The following COL4A4 variants were observed in gnomAD, a reference collection of about 807,000 sequenced individuals.
COL4A4 encodes the protein collagen alpha-4(IV) chain.
A neutral mutation model predicts 192.9 loss-of-function variants in COL4A4; 105 were observed. The observed-to-expected ratio is 0.54, with a 90% CI of 0.46 to 0.64. The LOEUF is 0.64. Among genes scored for constraint, COL4A4 ranks in the 30% least tolerant of loss-of-function variants. The pLI is 0.00. For missense variants in COL4A4, 1,967 were observed against 2,169.3 expected, an observed-to-expected ratio of 0.91 and a Z score of 1.85; for synonymous variants, 762 against 769.9, an observed-to-expected ratio of 0.99 and a Z score of 0.17.
At chr2:227,016,495 G>A (rs112769366) in intron 44 of COL4A4, among the ~76,000 whole-genome samples, 145 of 152,274 alleles carry the variant, frequency 9.5e-4, no homozygotes, top group African/African-American at 2.7e-3. Flanking sequence ...ATTCATTTAC[G>A]TGTTATCTAC....
At chr2:227,152,693 G>T (rs1161092460) in intron 1 of COL4A4, among the ~76,000 whole-genome samples, 2 of 152,174 alleles carry the variant, frequency 1.3e-5, no homozygotes, top group East Asian at 1.9e-4. Flanking sequence ...ATCTAAGAGG[G>T]TTTTCTTTGT....
In COL4A4 at chr2:227,043,187, AAAG is replaced by A; in HGVS notation, c.3290-6_3290-4del. 3.1e-6 allele frequency: 5 copies of A among 1,612,020 alleles called. No homozygotes were observed. Among genetic ancestry groups the A allele is most frequent in the Non-Finnish European group, 4.2e-6 (5 of 1,178,082 alleles). On this transcript the variant is annotated splice_polypyrimidine_tract_variant and splice_region_variant and intron_variant, in intron 35 of 47. Transcript: ENST00000396625. Reference sequence around the variant, plus strand: ...CTCTCCGGATGCTCCAAAATGCCCTAAAGAAGGAAAGATCAAACATCAGAGTTG... The same window carrying A: ...CTCTCCGGATGCTCCAAAATGCCCTAAAGGAAAGATCAAACATCAGAGTTG...
At chr2:227,153,590 G>T (rs1297901302) in intron 1 of COL4A4, among the ~76,000 whole-genome samples, 1 of 152,104 alleles carries the variant, frequency 6.6e-6, no homozygotes, top group Non-Finnish European at 1.5e-5. Context: ...TCTGGGATGA[G>T]GATAGTACAG....
intron 15 of COL4A4, 66 bp downstream of exon 15, chr2:227,102,723 G>T: frequency 7.0e-7 from 1 of 1,420,398 alleles, no homozygotes; most frequent in Non-Finnish European, 1.0e-6. Flanking sequence ...TACTGACCTG[G>T]TTTTATAAAA....
At chr2:227,119,840 T>G in intron 6 of COL4A4, 55 bp downstream of exon 6, 1 of 1,267,798 alleles carries the variant, frequency 7.9e-7, no homozygotes. Flanking sequence ...TTTAAGGATT[T>G]TGATGAGTAC....
the COL4A4 span, among the ~76,000 whole-genome samples, chr2:226,979,405 T>C: frequency 6.6e-6 from 1 of 152,018 alleles, no homozygotes; most frequent in South Asian, 2.1e-4. Flanking sequence ...ATCTCACCAA[T>C]TGAATCCCAG....
At chr2:227,142,523 G>A (rs2063288589) in intron 3 of COL4A4, among the ~76,000 whole-genome samples, 1 of 152,158 alleles carries the variant, frequency 6.6e-6, no homozygotes, top group Non-Finnish European at 1.5e-5. Context: ...GGAGGGCAAG[G>A]CTGGCAGATC....
At chr2:227,034,666 C>T (rs1224291735) in intron 37 of COL4A4, among the ~76,000 whole-genome samples, 2 of 150,622 alleles carry the variant, frequency 1.3e-5, no homozygotes, top group East Asian at 1.9e-4. Context: ...GCTGCACCCA[C>T]TAACTCGTCA....
intron 25 of COL4A4, among the ~76,000 whole-genome samples, chr2:227,071,190 A>G (rs1473770161): frequency 3.3e-5 from 5 of 152,134 alleles, no homozygotes; most frequent in South Asian, 4.1e-4. Flanking sequence ...TAAACTCAAG[A>G]TAAAGGGGTA....
chr2:226,973,041 C>T, the COL4A4 span, among the ~76,000 whole-genome samples: 1 of 152,072 alleles, frequency 6.6e-6, no homozygotes, highest in Non-Finnish European at 1.5e-5. Context: ...AGATTCAGAG[C>T]CCTACCTGAG....
chr2:227,161,544 C>T (rs2064832697), intron 1 of COL4A4, among the ~76,000 whole-genome samples: 1 of 152,020 alleles, frequency 6.6e-6, no homozygotes, highest in African/African-American at 2.4e-5. Flanking sequence ...ATTAACACCA[C>T]CTGTTTGTTT....
downstream of COL4A4, among the ~76,000 whole-genome samples, chr2:227,001,908 C>T (rs1961048698): frequency 6.6e-6 from 1 of 152,174 alleles, no homozygotes; most frequent in Non-Finnish European, 1.5e-5. Context: ...TGCAGTGGCT[C>T]ATGCCTGTAA....
intron 31 of COL4A4, among the ~76,000 whole-genome samples, chr2:227,052,927 A>G (rs1974443798): frequency 6.6e-6 from 1 of 152,166 alleles, no homozygotes; most frequent in African/African-American, 2.4e-5. Context: ...GGCCAGCTGT[A>G]GCAATGTGCA....
intron 37 of COL4A4, among the ~76,000 whole-genome samples, chr2:227,039,756 C>T (rs775727759): frequency 3.2e-4 from 49 of 152,276 alleles, no homozygotes; most frequent in Admixed American, 7.8e-4. Flanking sequence ...TCAAAGAATA[C>T]GCCATGAAGG....
intron 1 of COL4A4, among the ~76,000 whole-genome samples, chr2:227,155,223 C>G (rs1181229237): frequency 2.0e-5 from 3 of 151,244 alleles, no homozygotes; most frequent in African/African-American, 7.3e-5. Context: ...CTGTTTGAGA[C>G]TGCTGCAGAG....
At chr2:227,069,644 G>C (rs1226981918) in intron 25 of COL4A4, among the ~76,000 whole-genome samples, 1 of 152,176 alleles carries the variant, frequency 6.6e-6, no homozygotes, top group Non-Finnish European at 1.5e-5. Flanking sequence ...AATAAATGGT[G>C]CTGGGAAAAC....
At chr2:227,162,864 AG>A (rs2064960392) in intron 1 of COL4A4, among the ~76,000 whole-genome samples, 1 of 152,386 alleles carries the variant, frequency 6.6e-6, no homozygotes, top group East Asian at 1.9e-4. Flanking sequence ...CTGGCATAAA[AG>A]ACAGAAAGAA....
At chr2:227,100,091 G>A (rs189043740) in intron 17 of COL4A4, among the ~76,000 whole-genome samples, 255 of 152,268 alleles carry the variant, frequency 1.7e-3, no homozygotes, top group African/African-American at 2.8e-3. Flanking sequence ...AACAAATAGC[G>A]TCCCTCTAAA....
chr2:227,121,774 G>A (rs1307673052), intron 4 of COL4A4, among the ~76,000 whole-genome samples: 4 of 152,022 alleles, frequency 2.6e-5, no homozygotes, highest in Non-Finnish European at 4.4e-5. Flanking sequence ...GTATGTGTGT[G>A]CACAGAAACA....
Sources: allele counts gnomAD v4.1 joint callset (sites outside exome capture counted in the v4.1 genomes callset), GRCh38; gene constraint gnomAD v4.1.1; transcripts MANE v1.5; gene names NCBI Gene and HGNC (gene_info 2026-07-23, HGNC 2026-07-21).